The following MRTFB variants were observed in gnomAD, a reference collection of about 807,000 sequenced individuals.
The protein encoded by MRTFB is myocardin-related transcription factor B.
MRTFB carries 29 observed loss-of-function variants against 104.2 expected under a neutral mutation model. The observed-to-expected ratio is 0.28, with a 90% confidence interval of 0.21 to 0.38. The LOEUF (loss-of-function observed/expected upper bound fraction) is 0.38. MRTFB is among the 10% of genes least tolerant of loss of function. The pLI is 1.00. For missense variants in MRTFB, 1,270 were observed against 1,341.6 expected, an observed-to-expected ratio of 0.95 and a Z score of 0.83; for synonymous variants, 535 against 519.5, an observed-to-expected ratio of 1.03 and a Z score of -0.41.
At chr16:14,001,399 TG>T in the MRTFB span, among the ~76,000 whole-genome samples, 1 of 152,128 alleles carries the variant, frequency 6.6e-6, no homozygotes, top group Non-Finnish European at 1.5e-5. Context: ...TCAAAGCCAG[TG>T]GGAAAGATCC....
At chr16:14,200,379 A>G in intron 3 of MRTFB, 1 of 1,607,802 alleles carries the variant, frequency 6.2e-7, no homozygotes, top group Non-Finnish European at 8.5e-7. Context: ...GATAGTAATG[A>G]TGACACTAAA....
chr16:14,075,283 C>T (rs573824272), intron 1 of MRTFB, among the ~76,000 whole-genome samples: 64 of 152,308 alleles, frequency 4.2e-4, no homozygotes, highest in African/African-American at 7.9e-4. Flanking sequence ...AGACCCTTTG[C>T]GTACCTTCTT....
At chr16:14,131,087 C>T (rs1649643791) in intron 2 of MRTFB, among the ~76,000 whole-genome samples, 1 of 152,068 alleles carries the variant, frequency 6.6e-6, no homozygotes, top group African/African-American at 2.4e-5. Context: ...GGGAATTAAG[C>T]TTTATTGAGG....
chr16:14,185,720 A>G (rs2039928965), intron 3 of MRTFB, among the ~76,000 whole-genome samples: 2 of 152,062 alleles, frequency 1.3e-5, no homozygotes, highest in Admixed American at 6.5e-5. Context: ...AACAGTATTC[A>G]CAGTCTACTG....
intron 8 of MRTFB, among the ~76,000 whole-genome samples, chr16:14,230,480 A>G (rs1597321444): frequency 2.0e-5 from 3 of 150,936 alleles, no homozygotes; most frequent in African/African-American, 2.4e-5. Context: ...AAGGACATGA[A>G]CAGACACTTC....
chr16:14,187,952 C>T (rs557327246), intron 3 of MRTFB, among the ~76,000 whole-genome samples: 50 of 152,322 alleles, frequency 3.3e-4, no homozygotes, highest in African/African-American at 1.1e-3. Context: ...CCTTGCCTCC[C>T]GCTCGCTCTT....
At chr16:14,102,831 T>C (rs943984112) in intron 2 of MRTFB, among the ~76,000 whole-genome samples, 7 of 152,208 alleles carry the variant, frequency 4.6e-5, no homozygotes, top group African/African-American at 1.4e-4. Flanking sequence ...TCTGCCTTTT[T>C]CCCTTTCATG....
intron 2 of MRTFB, among the ~76,000 whole-genome samples, chr16:14,102,657 A>T (rs2035763286): frequency 6.6e-6 from 1 of 152,216 alleles, no homozygotes. Flanking sequence ...ATGTGTTTAT[A>T]CTTGCTTTAA....
intron 8 of MRTFB, among the ~76,000 whole-genome samples, chr16:14,225,390 T>G (rs900801242): frequency 6.6e-6 from 1 of 151,914 alleles, no homozygotes; most frequent in Non-Finnish European, 1.5e-5. Context: ...TGTAAAGAAG[T>G]AGCATTTTTT....
intron 2 of MRTFB, among the ~76,000 whole-genome samples, chr16:14,136,109 T>C (rs1364542802): frequency 6.6e-6 from 1 of 152,034 alleles, no homozygotes; most frequent in African/African-American, 2.4e-5. Flanking sequence ...CTGTCTCTAC[T>C]AAAAATACAG....
upstream of MRTFB, among the ~76,000 whole-genome samples, chr16:14,071,120 C>T (rs1218673472): frequency 6.6e-6 from 1 of 152,174 alleles, no homozygotes; most frequent in African/African-American, 2.4e-5. Context: ...CGCCTCGCAC[C>T]TGGGCTTTAA....
intron 2 of MRTFB, among the ~76,000 whole-genome samples, chr16:14,124,312 G>A (rs771420356): frequency 1.3e-5 from 2 of 152,192 alleles, no homozygotes; most frequent in Non-Finnish European, 2.9e-5. Context: ...TTGAATAGGA[G>A]TGGTGAGAGA....
At chr16:14,115,053 G>T (rs2036473638) in intron 2 of MRTFB, among the ~76,000 whole-genome samples, 1 of 152,176 alleles carries the variant, frequency 6.6e-6, no homozygotes, top group South Asian at 2.1e-4. Context: ...ATAAGTATTT[G>T]CAGCACTTGA....
chr16:13,996,589 T>C, the MRTFB span, among the ~76,000 whole-genome samples: 14 of 152,228 alleles, frequency 9.2e-5, no homozygotes, highest in African/African-American at 3.4e-4. Flanking sequence ...CAAAAGAGAT[T>C]GCGCCTTGCC....
chr16:14,114,768 C>T (rs768819228), intron 2 of MRTFB, among the ~76,000 whole-genome samples: 7 of 152,190 alleles, frequency 4.6e-5, no homozygotes, highest in Non-Finnish European at 1.0e-4. Context: ...TGGGTCCCCG[C>T]TGCTGTGTAT....
At chr16:14,172,511 A>T (rs963619994) in intron 3 of MRTFB, among the ~76,000 whole-genome samples, 4 of 152,104 alleles carry the variant, frequency 2.6e-5, no homozygotes, top group Admixed American at 2.6e-4. Flanking sequence ...GCATTTTTTT[A>T]ATGATGTCAG....
intron 8 of MRTFB, among the ~76,000 whole-genome samples, chr16:14,220,190 A>G (rs942987838): frequency 3.3e-5 from 5 of 152,176 alleles, no homozygotes; most frequent in African/African-American, 1.2e-4. Flanking sequence ...AGAGCAAGGG[A>G]GACTAAACCC....
intron 2 of MRTFB, among the ~76,000 whole-genome samples, chr16:14,108,035 A>C (rs1261598452): frequency 1.3e-5 from 2 of 152,192 alleles, no homozygotes; most frequent in Admixed American, 1.3e-4. Flanking sequence ...CAGTGGGTCC[A>C]GGCCACAGCA....
chr16:14,220,662 C>T (rs138250188), intron 8 of MRTFB, among the ~76,000 whole-genome samples: 1 of 152,228 alleles, frequency 6.6e-6, no homozygotes, highest in Non-Finnish European at 1.5e-5. Context: ...CCCAGTGCAA[C>T]ACACATTAAG....
Sources: gnomAD v4.1 joint callset for allele counts (sites outside exome capture counted in the v4.1 genomes callset) on GRCh38, gnomAD v4.1.1 for gene constraint, MANE v1.5 for transcripts, NCBI Gene and HGNC (gene_info 2026-07-23, HGNC 2026-07-21) for gene names.